The following LAMB3 variants were observed in gnomAD, a reference collection of about 807,000 sequenced individuals.
LAMB3 encodes laminin subunit beta-3.
LAMB3 carries 104 observed loss-of-function variants against 140.3 expected under a neutral mutation model. That is an observed-to-expected ratio of 0.74 (90% CI 0.63 to 0.87). LAMB3 has a LOEUF of 0.87. LAMB3 is among the 40% of genes least tolerant of loss of function. The pLI, the probability that LAMB3 is intolerant of heterozygous loss-of-function variation, is 0.00. For missense variants in LAMB3, 1,531 were observed against 1,575.2 expected (o/e 0.97, Z 0.47); for synonymous variants, 592 against 602.9 (o/e 0.98, Z 0.26).
rs750807361 is a variant in LAMB3, at chr1:209,623,807, T to C, written c.2137+33A>G. 1 of 1,614,120 alleles carries C rather than the reference T, an allele frequency of 6.2e-7. No individual in the cohort carries two copies. Among genetic ancestry groups the C allele is most frequent in the South Asian group, 1.1e-5 (1 of 91,088 alleles). On this transcript the variant is annotated intron_variant, in intron 15 of 22. Transcript: ENST00000356082. The surrounding 1 kb of genome is among the most constrained non-coding windows in gnomAD (Gnocchi z 4.2). ...GGCATGCCCACCACGGCAGTGCCCA[T>C]GCCCGGGGTTATCCGGGTGCCCCTC... is the stretch of plus-strand genomic sequence containing the variant.
rs766399202 is a variant in LAMB3 at position 209,617,474 on chromosome 1, G to T, written c.3164C>A (p.Ala1055Glu). 2 of 1,613,722 alleles carry T rather than the reference G, an allele frequency of 1.2e-6. No individual in the cohort carries two copies. The highest frequency in any genetic ancestry group is 1.7e-6 in the Non-Finnish European group (2 of 1,180,052). Residue 1055 changes from alanine to glutamate, a missense_variant, in exon 21 of 23, where the codon GCA (alanine) becomes GAA (glutamate). Physicochemically the swap from Ala to Glu is moderately radical, Grantham distance 107 (BLOSUM62 -1). Coordinates refer to ENST00000356082, the MANE Select transcript of LAMB3 (RefSeq NM_000228.3). ...AAGCTGCTGGGCCTGGACTGCCTCT[G>T]CCCCCTGCTGCCGGGCTTGGTGGCG... ...ELRHQARQQG[A>E]EAVQAQQLAE... is the part of the protein sequence containing the mutation.
At chr1:209,626,408 ACTC>A (rs1666456484) in intron 13 of LAMB3, among the ~76,000 whole-genome samples, 1 of 152,130 alleles carries the variant, frequency 6.6e-6, no homozygotes, top group Non-Finnish European at 1.5e-5. Flanking sequence ...CCTCAAAGTC[ACTC>A]AGTGAGGCAG....
chr1:209,623,390 G>T lies in LAMB3; in HGVS notation c.2358+115C>A. 1.8e-6 allele frequency: 2 copies of T among 1,140,550 alleles called. No homozygotes were observed. The highest frequency in any genetic ancestry group is 3.7e-5 in the Admixed American group (2 of 54,300). The allele number at this position is 1,140,550 out of a possible 1,614,324, so 70.7% of individuals were successfully genotyped here. Reference sequence around the variant, plus strand: ...CAGTACAAGGGTCGGGATGGCTGGGGGAGTGGGGTTCTCACAGGGGCAGAT... The same window carrying T: ...CAGTACAAGGGTCGGGATGGCTGGGTGAGTGGGGTTCTCACAGGGGCAGAT... On this transcript the variant is annotated intron_variant, in intron 16 of 22. Transcript: ENST00000356082. This position sits in a 1 kb window ranked among gnomAD's most constrained non-coding sequence, Gnocchi z 4.2.
intron 5 of LAMB3, among the ~76,000 whole-genome samples, chr1:209,636,105 T>C (rs1395490294): frequency 2.6e-5 from 4 of 152,028 alleles, no homozygotes; most frequent in African/African-American, 9.7e-5. Context: ...CATTATTTTC[T>C]ATTTCAGCAT....
chr1:209,622,319 T>G (rs1354151182), intron 18 of LAMB3, among the ~76,000 whole-genome samples: 1 of 152,140 alleles, frequency 6.6e-6, no homozygotes, highest in Non-Finnish European at 1.5e-5. Flanking sequence ...TTTCAGCTGT[T>G]GTGTTGAGAA....
chr1:209,644,867 T>C (rs1479598649), intron 3 of LAMB3, among the ~76,000 whole-genome samples: 1 of 152,124 alleles, frequency 6.6e-6, no homozygotes, highest in Non-Finnish European at 1.5e-5. Flanking sequence ...CAGACCCTCA[T>C]ATGGCACCCA....
chr1:209,642,108 G>A (rs1027763065), intron 3 of LAMB3, among the ~76,000 whole-genome samples: 2 of 152,058 alleles, frequency 1.3e-5, no homozygotes, highest in Non-Finnish European at 2.9e-5. Flanking sequence ...ACTCCCAAAC[G>A]ACAGGATATT....
intron 20 of LAMB3, 48 bp from the exon 21 acceptor site, chr1:209,617,634 C>CG (rs1666021458): frequency 6.2e-6 from 10 of 1,604,774 alleles, no homozygotes; most frequent in Admixed American, 1.7e-5. Flanking sequence ...TCTCATAGGT[C>CG]GGGGGGTTCA....
chr1:209,638,477 C>A (rs1273191842), intron 4 of LAMB3, 57 bp downstream of exon 4: 2 of 1,148,228 alleles, frequency 1.7e-6, no homozygotes, highest in Non-Finnish European at 2.6e-6. Context: ...CACCTTCCAT[C>A]CGTCTTATCC....
intron 3 of LAMB3, among the ~76,000 whole-genome samples, chr1:209,641,101 T>TAAA (rs57763866): frequency 7.6e-6 from 1 of 130,892 alleles, no homozygotes; most frequent in Non-Finnish European, 1.6e-5. Context: ...AAAAAAAATT[T>TAAA]AAAAAAAAAA....
In LAMB3 at chr1:209,617,453, T is replaced by G; in HGVS notation, c.3185A>C (p.Gln1062Pro). The change falls in exon 21 of 23, where the codon CAG (glutamine) becomes CCG (proline). Residue 1062 changes from glutamine to proline, a missense_variant. Coordinates refer to ENST00000356082, the MANE Select transcript of LAMB3 (RefSeq NM_000228.3). ...QQGAEAVQAQ[Q>P]LAEGASEQAL... ...CTGCTCGCTGGCACCTTCCGCAAGC[T>G]GCTGGGCCTGGACTGCCTCTGCCCC... 1.2e-6 allele frequency: 2 copies of G among 1,613,358 alleles called. No homozygotes were observed. The highest frequency in any genetic ancestry group is 1.7e-6 in the Non-Finnish European group (2 of 1,180,036).
At chr1:209,630,022 G>C in intron 9 of LAMB3, 97 bp from the exon 10 acceptor site, 1 of 1,189,566 alleles carries the variant, frequency 8.4e-7, no homozygotes, top group East Asian at 2.4e-5. Context: ...TAACAACTCT[G>C]CAAGATGATC....
chr1:209,642,848 C>T (rs1236436862), intron 3 of LAMB3, among the ~76,000 whole-genome samples: 3 of 152,162 alleles, frequency 2.0e-5, no homozygotes, highest in Non-Finnish European at 4.4e-5. Flanking sequence ...TATCATAAAA[C>T]AAAACCAACT....
intron 5 of LAMB3, among the ~76,000 whole-genome samples, chr1:209,636,871 C>T (rs1279559310): frequency 6.6e-6 from 1 of 152,232 alleles, no homozygotes; most frequent in African/African-American, 2.4e-5. Flanking sequence ...TCAGAGCACA[C>T]ATTGCACTCT....
intron 3 of LAMB3, among the ~76,000 whole-genome samples, chr1:209,641,427 G>C (rs1326783630): frequency 6.6e-6 from 1 of 152,226 alleles, no homozygotes; most frequent in East Asian, 1.9e-4. Context: ...GAGGCACAAA[G>C]AGGCAACATG....
chr1:209,646,528 A>T (rs1486455062), intron 3 of LAMB3, among the ~76,000 whole-genome samples: 1 of 152,168 alleles, frequency 6.6e-6, no homozygotes, highest in Non-Finnish European at 1.5e-5. Context: ...GACTTCACTA[A>T]CCATGACCGC....
At chr1:209,638,014 G>T in intron 4 of LAMB3, 33 bp from the exon 5 acceptor site, 1 of 1,568,062 alleles carries the variant, frequency 6.4e-7, no homozygotes. Flanking sequence ...CTGTCATCCA[G>T]AGACTGTCCA....
chr1:209,635,193 A>T (rs11585733), intron 5 of LAMB3, among the ~76,000 whole-genome samples: 1 of 152,124 alleles, frequency 6.6e-6, no homozygotes. Context: ...TGTGGTCTTT[A>T]TGCTGACAGC....
intron 3 of LAMB3, among the ~76,000 whole-genome samples, chr1:209,644,877 A>T (rs2076502283): frequency 6.6e-6 from 1 of 152,204 alleles, no homozygotes; most frequent in Non-Finnish European, 1.5e-5. Context: ...TATGGCACCC[A>T]GGCAGGGGGT....
Sources: allele counts gnomAD v4.1 joint callset (sites outside exome capture counted in the v4.1 genomes callset), GRCh38; gene constraint gnomAD v4.1.1; non-coding constraint Gnocchi (gnomAD v3.1); transcripts MANE v1.5; gene names NCBI Gene and HGNC (gene_info 2026-07-23, HGNC 2026-07-21).